The following BICD1 variants were observed in gnomAD, a reference collection of about 807,000 sequenced individuals.
The protein encoded by BICD1 is BICD cargo adaptor 1.
In BICD1, 35 loss-of-function variants were observed where a neutral mutation model predicts 92.5. The observed-to-expected ratio is 0.38, with a 90% CI of 0.29 to 0.50. The LOEUF (loss-of-function observed/expected upper bound fraction) is 0.50. Among genes scored for constraint, BICD1 ranks in the 20% least tolerant of loss-of-function variants. The pLI is 0.93. For missense variants in BICD1, 950 were observed against 1,189.8 expected, an observed-to-expected ratio of 0.80 and a Z score of 2.97; for synonymous variants, 429 against 465.1, an observed-to-expected ratio of 0.92 and a Z score of 1.00.
chr12:32,217,726 C>T (rs138660690), intron 2 of BICD1, among the ~76,000 whole-genome samples: 302 of 152,322 alleles, frequency 2.0e-3, no homozygotes, highest in African/African-American at 6.8e-3. Flanking sequence ...CTCTCTGGTT[C>T]CTTCTTTCTG....
At chr12:32,342,186 ATATATATGTGTGTGTGTG>A (rs1938400075) in intron 8 of BICD1, among the ~76,000 whole-genome samples, 1 of 125,410 alleles carries the variant, frequency 8.0e-6, no homozygotes, top group South Asian at 2.6e-4. Flanking sequence ...ATGTGTGTAT[ATATATATGTGTGTGTGTG>A]TATATATATA....
intron 1 of BICD1, among the ~76,000 whole-genome samples, chr12:32,195,084 T>G: frequency 6.5e-5 from 4 of 61,184 alleles, no homozygotes; most frequent in Non-Finnish European, 9.7e-5. Context: ...TGTGACAGAG[T>G]GAGACCAAAA....
intron 3 of BICD1, among the ~76,000 whole-genome samples, chr12:32,296,969 C>A (rs904824162): frequency 2.0e-5 from 3 of 152,130 alleles, no homozygotes; most frequent in African/African-American, 7.2e-5. Context: ...GGGACTTACA[C>A]ATTTTTTATT....
chr12:32,182,886 C>CTTTTTTTTTTTTTTTTTTTTTT (rs1335811260), intron 1 of BICD1, among the ~76,000 whole-genome samples: 2 of 80,416 alleles, frequency 2.5e-5, no homozygotes, highest in African/African-American at 4.9e-5. Flanking sequence ...TCTTTTCTTT[C>CTTTTTTTTTTTTTTTTTTTTTT]TTTCTTTTTT....
chr12:32,199,458 G>A (rs1378212714), intron 1 of BICD1, among the ~76,000 whole-genome samples: 2 of 152,080 alleles, frequency 1.3e-5, no homozygotes, highest in East Asian at 1.9e-4. Context: ...GCTATTTCTC[G>A]TGGCCCAATA....
intron 1 of BICD1, among the ~76,000 whole-genome samples, chr12:32,141,705 C>T: frequency 6.6e-6 from 1 of 152,130 alleles, no homozygotes; most frequent in South Asian, 2.1e-4. Flanking sequence ...AACCCCTAAC[C>T]TTAAATGATC....
chr12:32,159,363 GACT>G (rs1229233919), intron 1 of BICD1, among the ~76,000 whole-genome samples: 3 of 152,178 alleles, frequency 2.0e-5, no homozygotes, highest in African/African-American at 7.2e-5. Context: ...AGCAAAAAGT[GACT>G]ACTAGTAGGC....
chr12:32,185,865 A>G (rs1246314564), intron 1 of BICD1, among the ~76,000 whole-genome samples: 1 of 152,186 alleles, frequency 6.6e-6, no homozygotes, highest in Non-Finnish European at 1.5e-5. Flanking sequence ...TCACCACGCC[A>G]TTTCATCTTT....
intron 1 of BICD1, among the ~76,000 whole-genome samples, chr12:32,203,726 A>G (rs1447444291): frequency 2.6e-5 from 4 of 152,250 alleles, no homozygotes; most frequent in South Asian, 2.1e-4. Flanking sequence ...ACCGCTGCAT[A>G]TGTAAGTCCC....
intron 9 of BICD1, among the ~76,000 whole-genome samples, chr12:32,368,647 C>CT (rs1171678849): frequency 6.6e-6 from 1 of 151,932 alleles, no homozygotes; most frequent in Non-Finnish European, 1.5e-5. Flanking sequence ...GTGAGCTGAG[C>CT]TGGTGCCACT....
chr12:32,268,649 A>G (rs1322988505), intron 2 of BICD1, among the ~76,000 whole-genome samples: 1 of 152,154 alleles, frequency 6.6e-6, no homozygotes, highest in East Asian at 1.9e-4. Flanking sequence ...TACAAAAATT[A>G]GCCAGGTGAG....
chr12:32,160,909 T>G (rs1822213049), intron 1 of BICD1, among the ~76,000 whole-genome samples: 1 of 152,248 alleles, frequency 6.6e-6, no homozygotes, highest in African/African-American at 2.4e-5. Context: ...ATTTGCTTTA[T>G]GTGCAGCAAG....
At chr12:32,149,922 G>T (rs560079429) in intron 1 of BICD1, among the ~76,000 whole-genome samples, 1 of 152,290 alleles carries the variant, frequency 6.6e-6, no homozygotes, top group South Asian at 2.1e-4. Context: ...TGCTAATAAA[G>T]ACATACCCAC....
chr12:32,303,477 T>C (rs1948119849), intron 3 of BICD1, among the ~76,000 whole-genome samples: 1 of 152,178 alleles, frequency 6.6e-6, no homozygotes, highest in South Asian at 2.1e-4. Flanking sequence ...CTGGGCCCAG[T>C]GCTGCCCAGA....
At chr12:32,245,251 T>G (rs1201437388) in intron 2 of BICD1, among the ~76,000 whole-genome samples, 1 of 104,126 alleles carries the variant, frequency 9.6e-6, no homozygotes, top group East Asian at 2.1e-4. Context: ...TTGTTTTTTG[T>G]TTTTTTTTTT....
intron 2 of BICD1, among the ~76,000 whole-genome samples, chr12:32,282,623 G>T (rs976598057): frequency 2.6e-5 from 4 of 152,148 alleles, no homozygotes; most frequent in African/African-American, 9.7e-5. Flanking sequence ...GCCTGGATGA[G>T]GTTGCCTTTG....
chr12:32,315,621 G>C (rs879827117), intron 4 of BICD1, among the ~76,000 whole-genome samples: 2 of 152,012 alleles, frequency 1.3e-5, no homozygotes, highest in Non-Finnish European at 2.9e-5. Flanking sequence ...CCTTTATTTA[G>C]GTCTTCTTTC....
In BICD1 at chr12:32,382,556, C is replaced by T. The variant is rs1389474714; in HGVS notation, c.*4929C>T. On this transcript the variant is annotated 3_prime_UTR_variant, in exon 10 of 10. Coordinates refer to ENST00000652176, the MANE Select transcript of BICD1 (RefSeq NM_001714.4). ...GCTCTAATCCTCAGTGTATTTTTAT[C>T]CCTTCTCGAGTTATTTAAAATTTGC... 1 of 151,766 alleles carries T rather than the reference C, an allele frequency of 6.6e-6. No individual in the cohort carries two copies. The highest frequency in any genetic ancestry group is 1.5e-5 in the Non-Finnish European group (1 of 67,868). The allele number at this position is 151,766 out of a possible 1,614,324, so 9.4% of individuals were successfully genotyped here.
chr12:32,348,720 A>AC (rs1170971660), intron 8 of BICD1, among the ~76,000 whole-genome samples: 724 of 66,818 alleles, frequency 0.011, 11 homozygotes, highest in African/African-American at 0.043. Flanking sequence ...TAGCTCACAC[A>AC]AAAATATATA....
Sources: gnomAD v4.1 joint callset for allele counts (sites outside exome capture counted in the v4.1 genomes callset) on GRCh38, gnomAD v4.1.1 for gene constraint, MANE v1.5 for transcripts, NCBI Gene and HGNC (gene_info 2026-07-23, HGNC 2026-07-21) for gene names.